Variants in EFL1 observed in about 807,000 individuals in gnomAD.
EFL1 encodes elongation factor-like GTPase 1.
EFL1 carries 76 observed loss-of-function variants against 126.7 expected under a neutral mutation model. The observed-to-expected ratio is 0.60, with a 90% CI of 0.50 to 0.73. EFL1 has a LOEUF of 0.73. Ranked by LOEUF, EFL1 falls within the 30% of genes least tolerant of loss-of-function variation. The pLI is 0.00. For synonymous variants in EFL1, 410 were observed against 448.4 expected (o/e 0.91, Z 1.08); for missense variants, 1,128 against 1,343.2 (o/e 0.84, Z 2.50).
chr15:82,148,765 T>C (rs1210728602), intron 18 of EFL1, among the ~76,000 whole-genome samples: 1 of 152,186 alleles, frequency 6.6e-6, no homozygotes, highest in African/African-American at 2.4e-5. Context: ...GTAAGGTAGG[T>C]GCCAGACTAT....
At chr15:82,198,428 T>A (rs1048603654) in intron 15 of EFL1, among the ~76,000 whole-genome samples, 1 of 152,130 alleles carries the variant, frequency 6.6e-6, no homozygotes, top group African/African-American at 2.4e-5. Context: ...ATGGATCCAA[T>A]CAGGATAACT....
At chr15:82,186,572 T>C (rs1382123503) in intron 15 of EFL1, among the ~76,000 whole-genome samples, 1 of 152,234 alleles carries the variant, frequency 6.6e-6, no homozygotes, top group Admixed American at 6.5e-5. Context: ...TAAGCATTCA[T>C]TGCCTTTATT....
intron 15 of EFL1, among the ~76,000 whole-genome samples, chr15:82,164,499 C>T (rs975307085): frequency 3.3e-5 from 5 of 152,100 alleles, no homozygotes; most frequent in Non-Finnish European, 7.4e-5. Flanking sequence ...CAACCCCTTC[C>T]CCCTGCCATA....
chr15:82,196,985 T>C (rs1449980319), intron 15 of EFL1, among the ~76,000 whole-genome samples: 1 of 150,998 alleles, frequency 6.6e-6, no homozygotes, highest in South Asian at 2.1e-4. Flanking sequence ...TGAGCCGAGA[T>C]TGCACCATTG....
intron 11 of EFL1, among the ~76,000 whole-genome samples, chr15:82,226,063 A>G (rs559192235): frequency 6.6e-6 from 1 of 152,234 alleles, no homozygotes; most frequent in Non-Finnish European, 1.5e-5. Context: ...GCCCTGATTT[A>G]TATCTTAAGA....
At chr15:82,255,502 AT>A (rs2075058996) in intron 3 of EFL1, among the ~76,000 whole-genome samples, 1 of 152,138 alleles carries the variant, frequency 6.6e-6, no homozygotes, top group East Asian at 1.9e-4. Flanking sequence ...TATGTACTTA[AT>A]TTTAAGTAGT....
chr15:82,152,158 GA>G lies in EFL1; in HGVS notation c.2295del (p.Leu766TrpfsTer7). The G allele has an allele frequency of 1.2e-6, 2 of 1,614,100 alleles. No homozygotes were observed. The highest frequency in any genetic ancestry group is 1.7e-6 in the Non-Finnish European group (2 of 1,180,040). On this transcript the variant is annotated frameshift_variant, in exon 18 of 20. Coordinates refer to ENST00000268206, the MANE Select transcript of EFL1 (RefSeq NM_024580.6). LOFTEE classifies it high-confidence loss of function. ...CGAATCAAATCACTATTTTCTTCCA[GA>G]ATCTGGGTGACTTCTTCTGGAAGGG... The part of the protein sequence containing the change: ...AMPLPEEVTQ[I>X]LEENSDLIRS...
At chr15:82,226,957 C>G (rs1209306070) in intron 11 of EFL1, among the ~76,000 whole-genome samples, 1 of 151,878 alleles carries the variant, frequency 6.6e-6, no homozygotes, top group African/African-American at 2.4e-5. Flanking sequence ...GAAAGTGTTT[C>G]AAGGAGGAGT....
intron 15 of EFL1, among the ~76,000 whole-genome samples, chr15:82,179,580 T>G (rs2074228580): frequency 6.6e-6 from 1 of 152,112 alleles, no homozygotes. Context: ...CTCTGTACCA[T>G]GTTTCCTCAG....
At chr15:82,180,919 G>A (rs1435667771) in intron 15 of EFL1, among the ~76,000 whole-genome samples, 1 of 152,022 alleles carries the variant, frequency 6.6e-6, no homozygotes, top group Non-Finnish European at 1.5e-5. Flanking sequence ...GTAAAGAAGG[G>A]ATTTCACCAT....
At chr15:82,219,430 G>C (rs1253936601) in intron 14 of EFL1, among the ~76,000 whole-genome samples, 1 of 152,234 alleles carries the variant, frequency 6.6e-6, no homozygotes, top group East Asian at 1.9e-4. Context: ...ATTAAACAAG[G>C]CCTGAAAATT....
chr15:82,222,111 C>A (rs1422608877), intron 12 of EFL1, among the ~76,000 whole-genome samples: 1 of 152,228 alleles, frequency 6.6e-6, no homozygotes, highest in Non-Finnish European at 1.5e-5. Context: ...ACCAGAGGTA[C>A]CTGCTAGCAT....
intron 15 of EFL1, among the ~76,000 whole-genome samples, chr15:82,196,748 C>T (rs1295315177): frequency 4.6e-5 from 7 of 152,178 alleles, no homozygotes; most frequent in African/African-American, 1.7e-4. Flanking sequence ...ATAATTGTGG[C>T]TTCGGCCGGG....
chr15:82,149,027 T>A (rs896876309), intron 18 of EFL1, among the ~76,000 whole-genome samples: 2 of 152,034 alleles, frequency 1.3e-5, no homozygotes, highest in African/African-American at 2.4e-5. Flanking sequence ...GTTATAGATG[T>A]AAAGGACCGT....
At chr15:82,199,868 ATCATT>A (rs2074448621) in intron 15 of EFL1, among the ~76,000 whole-genome samples, 1 of 152,226 alleles carries the variant, frequency 6.6e-6, no homozygotes, top group Non-Finnish European at 1.5e-5. Context: ...AGGAGATAAA[ATCATT>A]TCAAGTTTAT....
chr15:82,192,017 G>C (rs2141272196), intron 15 of EFL1, among the ~76,000 whole-genome samples: 1 of 152,106 alleles, frequency 6.6e-6, no homozygotes, highest in South Asian at 2.1e-4. Context: ...CCAAGAATAT[G>C]GAAGAAAAAA....
intron 2 of EFL1, among the ~76,000 whole-genome samples, chr15:82,260,201 A>C (rs976223126): frequency 1.3e-5 from 2 of 152,012 alleles, no homozygotes; most frequent in African/African-American, 4.8e-5. Flanking sequence ...AATTTGTTAC[A>C]CCCCACTAAC....
intron 15 of EFL1, among the ~76,000 whole-genome samples, chr15:82,190,112 A>T (rs2074343650): frequency 6.9e-6 from 1 of 145,082 alleles, no homozygotes. Context: ...CTCTGTCTTA[A>T]AAAAAAAAAA....
chr15:82,138,942 T>C, intron 18 of EFL1, 100 bp from the exon 19 acceptor site: 1 of 1,104,144 alleles, frequency 9.1e-7, no homozygotes. Context: ...CCATAAATGA[T>C]TAAATTTGTT....
Sources: allele counts gnomAD v4.1 joint callset (sites outside exome capture counted in the v4.1 genomes callset), GRCh38; gene constraint gnomAD v4.1.1; transcripts MANE v1.5; gene names NCBI Gene and HGNC (gene_info 2026-07-23, HGNC 2026-07-21).